Variants in NLRP5 observed in about 807,000 individuals in gnomAD.
NLRP5 encodes the protein NLR family pyrin domain containing 5, also known as NACHT, LRR and PYD domains-containing protein 5.
Under a neutral mutation model 113.1 loss-of-function variants are expected in NLRP5, and 93 were observed. The observed-to-expected ratio is 0.82, with a 90% CI of 0.70 to 0.98. The LOEUF (loss-of-function observed/expected upper bound fraction) is 0.98, where lower values mean the gene tolerates loss of function less well. NLRP5 is among the 50% of genes least tolerant of loss of function. NLRP5 has a pLI of 0.00. For missense variants in NLRP5, 1,808 were observed against 1,514.3 expected, an observed-to-expected ratio of 1.19 and a Z score of -3.22; for synonymous variants, 751 against 600.7, an observed-to-expected ratio of 1.25 and a Z score of -3.66.
At position 56,008,840 on chromosome 19, in the gene NLRP5, G is replaced by C; in HGVS notation, c.495G>C (p.Lys165Asn). Residue 165 changes from lysine (K) to asparagine (N), a missense_variant, in exon 3 of 15, where the codon AAG becomes AAC. Lys to Asn is a moderately conservative substitution (Grantham distance 94). Transcript: ENST00000390649. ...CGATGACTGACCAAGGACCAAGCAAGGAAAAAGTGCCAGGTTAGAGGGGTG... is the reference window on the plus strand; with the variant it reads ...CGATGACTGACCAAGGACCAAGCAACGAAAAAGTGCCAGGTTAGAGGGGTG... The C allele has an allele frequency of 6.2e-7, 1 of 1,612,498 alleles. No homozygotes were observed. Among genetic ancestry groups the C allele is most frequent in the Non-Finnish European group, 8.5e-7 (1 of 1,179,310 alleles).
chr19:55,987,974 A>ATACAGGATGATAACGCCCGGTATT, the NLRP5 span: 1 of 1,301,672 alleles, frequency 7.7e-7, no homozygotes, highest in Non-Finnish European at 1.1e-6. Context: ...CAACTGGCAA[A>ATACAGGATGATAACGCCCGGTATT]TACCAGGCGT....
chr19:55,996,888 C>A (rs925573369), upstream of NLRP5, among the ~76,000 whole-genome samples: 1 of 152,150 alleles, frequency 6.6e-6, no homozygotes, highest in African/African-American at 2.4e-5. Flanking sequence ...ATTTCTAGTT[C>A]TAGATCCCTG....
chr19:56,007,018 T>C lies in NLRP5; in HGVS notation c.443-1770T>C, dbSNP rs886369375. Among the ~76,000 whole-genome samples the C allele has an allele frequency of 1.5e-4, 23 of 151,010 alleles. 1 individual carries two copies. The East Asian group carries it at 1.6e-3, about 10-fold the overall frequency. ...CCTCCCAAAGTTCTGGGATTACAGGTGTGAGCCACTGTGCCTGGCCTAAAA... is the reference window on the plus strand; with the variant it reads ...CCTCCCAAAGTTCTGGGATTACAGGCGTGAGCCACTGTGCCTGGCCTAAAA... On this transcript the variant is annotated intron_variant, in intron 2 of 14. Coordinates refer to ENST00000390649, the MANE Select transcript of NLRP5 (RefSeq NM_153447.4).
At chr19:56,056,307 C>T (rs453819) in intron 13 of NLRP5, among the ~76,000 whole-genome samples, 38,459 of 151,976 alleles carry the variant, frequency 0.25, 5,042 homozygotes, top group Middle Eastern at 0.29. Context: ...ACTGTCATCC[C>T]AGCACTATGG....
At chr19:56,022,529 A>G (rs1476561524) in intron 6 of NLRP5, among the ~76,000 whole-genome samples, 2 of 152,158 alleles carry the variant, frequency 1.3e-5, no homozygotes, top group African/African-American at 2.4e-5. Flanking sequence ...ACGCCCAGCC[A>G]ATCCCTACTA....
Position 56,003,882 on chromosome 19 carries a change from T to A in NLRP5, c.229T>A (p.Phe77Ile), listed in dbSNP as rs749451274. ...TCTCTATGAGCTAGACAAGGAAGAA[T>A]TTCAGACATTCAAGGAATTACTAAA... is the stretch of plus-strand genomic sequence containing the variant. Residue 77 changes from phenylalanine to isoleucine, a missense_variant, in exon 2 of 15, where the codon TTT becomes ATT. Phe to Ile is a conservative substitution (Grantham distance 21). Transcript: ENST00000390649. The A allele has an allele frequency of 6.2e-6, 10 of 1,613,996 alleles. No individual in the cohort carries two copies.
At chr19:56,009,594 C>A (rs1374066328) in intron 3 of NLRP5, among the ~76,000 whole-genome samples, 2 of 152,098 alleles carry the variant, frequency 1.3e-5, no homozygotes, top group South Asian at 4.1e-4. Context: ...CCAAAGCATA[C>A]GTGTTCATGA....
At chr19:56,061,306 A>G in intron 14 of NLRP5, 90 bp from the exon 15 acceptor site, 2 of 1,432,948 alleles carry the variant, frequency 1.4e-6, no homozygotes, top group Middle Eastern at 2.4e-4. Flanking sequence ...AAAAGGTTTG[A>G]GATCCTTGAT....
chr19:56,018,806 C>A, intron 4 of NLRP5: 1 of 153,548 alleles, frequency 6.5e-6, no homozygotes, highest in Non-Finnish European at 1.4e-5. Flanking sequence ...TAGGTTTTGC[C>A]CCTCATTTAA....
rs552645635 is a variant in NLRP5, at chr19:56,008,030, G to A, written c.443-758G>A. ...TGCAAACTCCGCCTCCCGGGTTCGT[G>A]CCATTCTCCTGCCTCAGCCTCCCGA... On this transcript the variant is annotated intron_variant, in intron 2 of 14. Transcript: ENST00000390649. Among the ~76,000 whole-genome samples, 5 of 131,840 alleles carry A rather than the reference G, an allele frequency of 3.8e-5. No individual in the cohort carries two copies. In the East Asian group the frequency reaches 6.1e-4, roughly 16 times the overall value. 86.5% of individuals were successfully genotyped at this position (131,840 alleles called of 152,430 possible).
chr19:56,021,767 C>T (rs1271853690), intron 6 of NLRP5, among the ~76,000 whole-genome samples: 1 of 152,114 alleles, frequency 6.6e-6, no homozygotes, highest in African/African-American at 2.4e-5. Flanking sequence ...TAACAGTGTT[C>T]CCTGAACACT....
chr19:56,013,128 A>G (rs995890382), intron 3 of NLRP5, among the ~76,000 whole-genome samples: 4 of 152,176 alleles, frequency 2.6e-5, no homozygotes, highest in Non-Finnish European at 4.4e-5. Context: ...GACTTTGCAT[A>G]TAAATGAAAT....
chr19:55,990,432 T>C, the NLRP5 span, among the ~76,000 whole-genome samples: 5 of 152,100 alleles, frequency 3.3e-5, no homozygotes, highest in African/African-American at 1.2e-4. Flanking sequence ...GGCTCATGCC[T>C]ATAATCCCAG....
chr19:56,031,358 G>C (rs1473504163), intron 7 of NLRP5, among the ~76,000 whole-genome samples: 1 of 152,072 alleles, frequency 6.6e-6, no homozygotes, highest in East Asian at 1.9e-4. Context: ...CAGTGTATTG[G>C]TGGCTCACGC....
At chr19:55,996,578 C>A (rs1008681267), upstream of NLRP5, among the ~76,000 whole-genome samples, 1 of 152,066 alleles carries the variant, frequency 6.6e-6, no homozygotes, top group African/African-American at 2.4e-5. Context: ...TGAGTGAGAA[C>A]ATGTGGTGTT....
In NLRP5 at chr19:56,041,183, G is replaced by A. The variant is rs139471019; in HGVS notation, c.2957+91G>A. ...AAGCAGAAGGCAGTGGGGAGGGGGT[G>A]TGGACATCATCACATGAAGGGACCT... On this transcript the variant is annotated intron_variant, in intron 11 of 14. Transcript: ENST00000390649. The A allele has an allele frequency of 1.6e-3, 2,044 of 1,263,150 alleles. 3 individuals carry two copies. Among genetic ancestry groups the A allele is most frequent in the Non-Finnish European group, 1.6e-3 (1,408 of 885,524 alleles). 78.2% of individuals were successfully genotyped at this position (1,263,150 alleles called of 1,614,324 possible). A position where few individuals can be genotyped will look rare whatever the true frequency, so the allele number is the denominator to read the frequency against.
intron 1 of NLRP5, among the ~76,000 whole-genome samples, chr19:56,001,258 G>C (rs559866832): frequency 6.8e-6 from 1 of 147,616 alleles, no homozygotes; most frequent in African/African-American, 2.5e-5. Flanking sequence ...CCAGGAGTTC[G>C]AGGCTGCAGT....
chr19:56,028,333 TCG>T lies in NLRP5; in HGVS notation c.2102_2103del (p.Arg701LeufsTer14). 1 of 1,614,016 alleles carries T rather than the reference TCG, an allele frequency of 6.2e-7. No individual in the cohort carries two copies. The highest frequency in any genetic ancestry group is 8.5e-7 in the Non-Finnish European group (1 of 1,179,894). ...TCGAGACTCAAGACAAAGAGTTTGT[TCG>T]CTTGGCATTAAACAGCTTCCAAGAA... On this transcript the variant is annotated frameshift_variant, in exon 7 of 15. Coordinates refer to ENST00000390649, the MANE Select transcript of NLRP5 (RefSeq NM_153447.4). LOFTEE classifies it high-confidence loss of function.
At chr19:56,049,626 T>C (rs979240026) in intron 11 of NLRP5, among the ~76,000 whole-genome samples, 5 of 152,210 alleles carry the variant, frequency 3.3e-5, no homozygotes, top group Admixed American at 6.5e-5. Context: ...TTCTTTCTTC[T>C]ACTTGTTCAA....
Sources: gnomAD v4.1 joint callset for allele counts (sites outside exome capture counted in the v4.1 genomes callset) on GRCh38, gnomAD v4.1.1 for gene constraint, MANE v1.5 for transcripts, NCBI Gene and HGNC (gene_info 2026-07-23, HGNC 2026-07-21) for gene names.